Variants in NTRK2 observed in about 807,000 individuals in gnomAD.
NTRK2 encodes neurotrophic receptor tyrosine kinase 2.
A neutral mutation model predicts 94.5 loss-of-function variants in NTRK2; 13 were observed. The ratio of observed to expected loss-of-function variants is 0.14; its 90% CI spans 0.09 to 0.22. The LOEUF (loss-of-function observed/expected upper bound fraction) is 0.22, where lower values mean the gene tolerates loss of function less well. Ranked by LOEUF, NTRK2 falls within the 10% of genes least tolerant of loss-of-function variation. NTRK2 has a pLI of 1.00. For synonymous variants in NTRK2, 372 were observed against 407.4 expected (o/e 0.91, Z 1.05); for missense variants, 639 against 1,071.2 (o/e 0.60, Z 5.63).
rs183688311 is a variant in NTRK2 at position 84,996,965 on chromosome 9, T to A, written c.2173-23241T>A. Reference sequence around the variant, plus strand: ...CAGTGCAGTATGTGCACTGTGGCTGTTTCAATGCAGTACGGCCCGTATGCA... The same window carrying A: ...CAGTGCAGTATGTGCACTGTGGCTGATTCAATGCAGTACGGCCCGTATGCA... On this transcript the variant is annotated intron_variant, in intron 17 of 18. Coordinates refer to ENST00000277120, the MANE Select transcript of NTRK2 (RefSeq NM_006180.6). Among the ~76,000 whole-genome samples, 218 of 152,296 alleles carry A rather than the reference T, an allele frequency of 1.4e-3. 1 individual carries two copies. The highest frequency in any genetic ancestry group is 5.0e-3 in the African/African-American group (209 of 41,566).
chr9:84,803,804 G>A (rs912376098), intron 12 of NTRK2, among the ~76,000 whole-genome samples: 9 of 152,124 alleles, frequency 5.9e-5, no homozygotes, highest in South Asian at 2.1e-4. Flanking sequence ...TGTATGTTTC[G>A]CATTCCGGAA....
rs2117959580 is a variant in NTRK2, at chr9:85,020,442, G to A, written c.2331+78G>A. 7 of 1,496,218 alleles carry A rather than the reference G, an allele frequency of 4.7e-6. No homozygotes were observed. The South Asian group carries it at 7.9e-5, about 17-fold the overall frequency. The allele number at this position is 1,496,218 out of a possible 1,614,324, so 92.7% of individuals were successfully genotyped here. A position where few individuals can be genotyped will look rare whatever the true frequency, so the allele number is the denominator to read the frequency against. ...TCCATTGGCTGGGGCCTTGTTTTGG[G>A]TTGGAAGACCATGTCAGGACACGAT... On this transcript the variant is annotated intron_variant, in intron 18 of 18. Coordinates refer to ENST00000277120, the MANE Select transcript of NTRK2 (RefSeq NM_006180.6).
intron 2 of NTRK2, among the ~76,000 whole-genome samples, chr9:84,676,298 G>GC (rs967330608): frequency 5.2e-4 from 79 of 152,330 alleles, no homozygotes; most frequent in African/African-American, 1.9e-3. Flanking sequence ...TGAAGGAAGG[G>GC]CATGATACAA....
intron 6 of NTRK2, among the ~76,000 whole-genome samples, chr9:84,715,670 G>T (rs1417557280): frequency 6.6e-6 from 1 of 152,042 alleles, no homozygotes; most frequent in East Asian, 1.9e-4. Flanking sequence ...TGTAAGTGCT[G>T]GTGAAGAAAG....
intron 12 of NTRK2, among the ~76,000 whole-genome samples, chr9:84,827,216 A>G (rs539930372): frequency 2.0e-5 from 3 of 152,344 alleles, no homozygotes; most frequent in Non-Finnish European, 2.9e-5. Context: ...AGCACAGAGC[A>G]AGGTGGGGCC....
At chr9:84,701,488 G>A (rs2060716348) in intron 2 of NTRK2, among the ~76,000 whole-genome samples, 1 of 152,172 alleles carries the variant, frequency 6.6e-6, no homozygotes, top group Non-Finnish European at 1.5e-5. Context: ...GCAAAGGGAT[G>A]GAGTTTTCTC....
At chr9:84,958,847 T>C (rs549317257) in intron 17 of NTRK2, among the ~76,000 whole-genome samples, 142 of 152,268 alleles carry the variant, frequency 9.3e-4, no homozygotes, top group Non-Finnish European at 1.6e-3. Context: ...TCTTGGGAGA[T>C]GTTTGCTTAT....
chr9:84,693,302 A>G (rs2131576815), intron 2 of NTRK2, among the ~76,000 whole-genome samples: 1 of 152,314 alleles, frequency 6.6e-6, no homozygotes, highest in South Asian at 2.1e-4. Flanking sequence ...GCAATAAGTT[A>G]AATTAAAGTT....
At chr9:84,710,863 G>A in intron 6 of NTRK2, 72 bp downstream of exon 6, 1 of 1,469,336 alleles carries the variant, frequency 6.8e-7, no homozygotes, top group Non-Finnish European at 9.5e-7. Context: ...GGTAGTCTGG[G>A]AAAATTACCA....
At chr9:84,760,817 C>T (rs2065496477) in intron 12 of NTRK2, among the ~76,000 whole-genome samples, 1 of 152,176 alleles carries the variant, frequency 6.6e-6, no homozygotes, top group African/African-American at 2.4e-5. Context: ...AAAACACGAC[C>T]TCATGGAAAC....
At chr9:84,710,923 A>G (rs765641478) in intron 6 of NTRK2, 132 bp downstream of exon 6, 3 of 831,278 alleles carry the variant, frequency 3.6e-6, no homozygotes, top group Admixed American at 4.1e-5. Flanking sequence ...TGACTCAGAC[A>G]ACATTTATGT....
chr9:84,733,607 C>A (rs140476729), intron 9 of NTRK2, among the ~76,000 whole-genome samples: 30 of 152,258 alleles, frequency 2.0e-4, no homozygotes, highest in African/African-American at 7.2e-4. Context: ...ACACCCTAGC[C>A]AACCATAAAA....
chr9:84,898,648 A>G (rs907674066), intron 14 of NTRK2, among the ~76,000 whole-genome samples: 6 of 151,984 alleles, frequency 3.9e-5, no homozygotes. Context: ...GGAGGGGCTA[A>G]GCTGAACCTT....
chr9:85,012,045 G>C (rs1831661132), intron 17 of NTRK2, among the ~76,000 whole-genome samples: 1 of 149,060 alleles, frequency 6.7e-6, no homozygotes. Flanking sequence ...CTGGAGTGCA[G>C]GGGCGCGATC....
At chr9:84,846,434 C>T (rs1392455378) in intron 12 of NTRK2, among the ~76,000 whole-genome samples, 2 of 152,110 alleles carry the variant, frequency 1.3e-5, no homozygotes, top group African/African-American at 4.8e-5. Flanking sequence ...TTTCCTTTTA[C>T]AGTCAGCTCA....
At chr9:84,888,961 C>T (rs1289757779) in intron 14 of NTRK2, among the ~76,000 whole-genome samples, 1 of 144,928 alleles carries the variant, frequency 6.9e-6, no homozygotes, top group Non-Finnish European at 1.5e-5. Flanking sequence ...GAACTTTCCC[C>T]ATTATTTATT....
chr9:84,678,780 C>CT (rs1421881334), intron 2 of NTRK2, among the ~76,000 whole-genome samples: 1 of 152,214 alleles, frequency 6.6e-6, no homozygotes, highest in Admixed American at 6.5e-5. Flanking sequence ...CCAGAACACT[C>CT]TTTTTAGTTT....
chr9:84,918,648 T>C (rs2132552768), intron 14 of NTRK2, among the ~76,000 whole-genome samples: 1 of 152,370 alleles, frequency 6.6e-6, no homozygotes, highest in African/African-American at 2.4e-5. Flanking sequence ...CTGTGATCAC[T>C]TAATTTGGCA....
At chr9:84,782,250 G>A (rs979067937) in intron 12 of NTRK2, among the ~76,000 whole-genome samples, 16 of 152,148 alleles carry the variant, frequency 1.1e-4, no homozygotes, top group African/African-American at 3.1e-4. Flanking sequence ...TGTTTTTATA[G>A]AAAGCTTTAT....
Sources: gnomAD v4.1 joint callset for allele counts (sites outside exome capture counted in the v4.1 genomes callset) on GRCh38, gnomAD v4.1.1 for gene constraint, MANE v1.5 for transcripts, NCBI Gene and HGNC (gene_info 2026-07-23, HGNC 2026-07-21) for gene names.